The following RELT variants were observed in gnomAD, a reference collection of about 807,000 sequenced individuals.
RELT encodes the protein tumor necrosis factor receptor superfamily member 19L.
A neutral mutation model predicts 51.1 loss-of-function variants in RELT; 37 were observed. The observed-to-expected ratio is 0.72, with a 90% CI of 0.56 to 0.95. The LOEUF is 0.95. Ranked by LOEUF, RELT falls within the 40% of genes least tolerant of loss-of-function variation. The pLI is 0.00. For missense variants in RELT, 535 were observed against 572.6 expected (o/e 0.93, Z 0.67); for synonymous variants, 241 against 235.7 (o/e 1.02, Z -0.21).
At position 73,395,709 on chromosome 11, in the gene RELT, T is replaced by C. The variant is rs2134458998; in HGVS notation, c.*218T>C. 1 of 583,102 alleles carries C rather than the reference T, an allele frequency of 1.7e-6. No homozygotes were observed. Among genetic ancestry groups the C allele is most frequent in the Non-Finnish European group, 3.1e-6 (1 of 326,086 alleles). The allele number at this position is 583,102 out of a possible 1,614,324, so 36.1% of individuals were successfully genotyped here. On this transcript the variant is annotated 3_prime_UTR_variant, in exon 11 of 11. Coordinates refer to ENST00000064780, the MANE Select transcript of RELT (RefSeq NM_152222.2). ...ACAGGAGCAGGCTGAGCCCCGCCCC[T>C]GGCCCTGCTGCCATGTTGCTCCCCT... is the stretch of plus-strand genomic sequence containing the variant.
chr11:73,376,935 C>G (rs1865977299), intron 1 of RELT: 1 of 153,316 alleles, frequency 6.5e-6, no homozygotes, highest in African/African-American at 2.4e-5. Context: ...AAGGGGGGGT[C>G]TGGATGGTGT....
rs946929472 is a variant in RELT, at chr11:73,381,056, G to A, written c.-26+4557G>A. Among the ~76,000 whole-genome samples the A allele has an allele frequency of 2.6e-5, 4 of 152,298 alleles. No individual in the cohort carries two copies. In the East Asian group the frequency reaches 7.7e-4, roughly 29 times the overall value. On this transcript the variant is annotated intron_variant, in intron 1 of 10. Coordinates refer to ENST00000064780, the MANE Select transcript of RELT (RefSeq NM_152222.2). ...TCCTGGGGGTCATCATTCCCTCCAA[G>A]CACAGGCAGGGAAACCAAGGCCTAG...
At chr11:73,376,854 C>T (rs1865975370) in intron 1 of RELT, 1 of 152,342 alleles carries the variant, frequency 6.6e-6, no homozygotes, top group Admixed American at 6.5e-5. Flanking sequence ...GCCCGGGAAA[C>T]TTGGACCGAG....
rs758840677 is a variant in RELT, at chr11:73,397,047, C to G, written c.*1556C>G. ...GCTTTGAAATCTGGAGTGTATCTTACACATCTTGATTGGAACTCAAATATT... is the reference window on the plus strand; with the variant it reads ...GCTTTGAAATCTGGAGTGTATCTTAGACATCTTGATTGGAACTCAAATATT... On this transcript the variant is annotated 3_prime_UTR_variant, in exon 11 of 11. Transcript: ENST00000064780. 2.6e-5 allele frequency: 4 copies of G among 152,318 alleles called. No homozygotes were observed. Among genetic ancestry groups the G allele is most frequent in the East Asian group, 1.9e-4 (1 of 5,192 alleles). The allele number at this position is 152,318 out of a possible 1,614,324, so 9.4% of individuals were successfully genotyped here.
chr11:73,386,239 C>T (rs544940120), intron 1 of RELT, among the ~76,000 whole-genome samples: 3 of 152,224 alleles, frequency 2.0e-5, no homozygotes, highest in African/African-American at 7.2e-5. Context: ...GGGGCCCCTC[C>T]TCCCCATCCA....
chr11:73,390,993 T>G, intron 4 of RELT, 72 bp downstream of exon 4: 1 of 1,569,190 alleles, frequency 6.4e-7, no homozygotes, highest in Non-Finnish European at 8.7e-7. Flanking sequence ...GCCCCAGCCT[T>G]ATTGTACCCT....
intron 1 of RELT, among the ~76,000 whole-genome samples, chr11:73,377,712 C>T (rs922691228): frequency 1.2e-4 from 17 of 145,276 alleles, no homozygotes; most frequent in African/African-American, 4.0e-4. Flanking sequence ...GCGCAGGCCT[C>T]AGTCTCCCCA....
Position 73,395,113 on chromosome 11 carries a change from A to T in RELT, c.1073A>T (p.Gln358Leu), listed in dbSNP as rs1440647414. The change falls in exon 10 of 11, where the codon CAG (glutamine) becomes CTG (leucine). Residue 358 changes from glutamine (Q) to leucine (L), a missense_variant. Gln to Leu is a moderately radical substitution (Grantham distance 113). Coordinates refer to ENST00000064780, the MANE Select transcript of RELT (RefSeq NM_152222.2). ...GRFRVARIPE[Q>L]RTSSMVSEVK... ...TTCCGCGTGGCTCGAATTCCTGAGC[A>T]GCGGACAAGTTCAATGGTGTCTGAG... The T allele has an allele frequency of 6.2e-7, 1 of 1,613,624 alleles. No homozygotes were observed. The highest frequency in any genetic ancestry group is 1.7e-5 in the Admixed American group (1 of 60,012).
intron 1 of RELT, among the ~76,000 whole-genome samples, chr11:73,380,260 G>A (rs927876601): frequency 3.3e-5 from 5 of 152,212 alleles, no homozygotes; most frequent in Non-Finnish European, 5.9e-5. Flanking sequence ...TGTGCTGGGA[G>A]GCACCGGGAG....
chr11:73,386,707 G>T (rs750448882), intron 1 of RELT, among the ~76,000 whole-genome samples: 2 of 152,228 alleles, frequency 1.3e-5, no homozygotes, highest in Non-Finnish European at 2.9e-5. Context: ...TTCCTGGAAG[G>T]TTCTAGATCA....
Position 73,394,158 on chromosome 11 carries a change from G to A in RELT, c.707-78G>A. On this transcript the variant is annotated intron_variant, in intron 7 of 10. Coordinates refer to ENST00000064780, the MANE Select transcript of RELT (RefSeq NM_152222.2). This position sits in a 1 kb window ranked among gnomAD's most constrained non-coding sequence, Gnocchi z 4.9. ...GAGTGGTGGTATGGAGGGTAGGTGGGGGGTTCTCTGCTGGGGCAGGGGGTG... is the reference window on the plus strand; with the variant it reads ...GAGTGGTGGTATGGAGGGTAGGTGGAGGGTTCTCTGCTGGGGCAGGGGGTG... 1.5e-6 allele frequency: 2 copies of A among 1,331,806 alleles called. No individual in the cohort carries two copies. Among genetic ancestry groups the A allele is most frequent in the South Asian group, 1.3e-5 (1 of 78,952 alleles). 82.5% of individuals were successfully genotyped at this position (1,331,806 alleles called of 1,614,324 possible). A position where few individuals can be genotyped will look rare whatever the true frequency, so the allele number is the denominator to read the frequency against.
chr11:73,379,913 C>T (rs923695416), intron 1 of RELT, among the ~76,000 whole-genome samples: 3 of 152,242 alleles, frequency 2.0e-5, no homozygotes, highest in African/African-American at 4.8e-5. Flanking sequence ...TCTTTACCCT[C>T]GCCTCTCCTT....
Position 73,394,903 on chromosome 11 carries a change from G to A in RELT, c.1046+169G>A, listed in dbSNP as rs551555453. The A allele has an allele frequency of 3.2e-5, 30 of 932,516 alleles. No homozygotes were observed. The highest frequency in any genetic ancestry group is 7.9e-5 in the East Asian group (3 of 38,114). 57.8% of individuals were successfully genotyped at this position (932,516 alleles called of 1,614,324 possible). A position where few individuals can be genotyped will look rare whatever the true frequency, so the allele number is the denominator to read the frequency against. On this transcript the variant is annotated intron_variant, in intron 9 of 10. Transcript: ENST00000064780. The surrounding 1 kb of genome is among the most constrained non-coding windows in gnomAD (Gnocchi z 4.9). ...GCGGCCAGAGAGATCAGGACTTTCC[G>A]GTTATGTTGTGTCTCACATGGAGCC...
chr11:73,390,025 G>A (rs934918265), intron 2 of RELT, among the ~76,000 whole-genome samples: 3 of 152,160 alleles, frequency 2.0e-5, no homozygotes, highest in African/African-American at 7.2e-5. Context: ...GTGTGAATGG[G>A]GTAGCCTCGC....
At chr11:73,389,441 G>A (rs556185209) in intron 2 of RELT, among the ~76,000 whole-genome samples, 11 of 152,316 alleles carry the variant, frequency 7.2e-5, no homozygotes, top group African/African-American at 2.2e-4. Flanking sequence ...CCATTGGCAC[G>A]CAGGCATGAG....
At chr11:73,395,012 AC>A in intron 9 of RELT, 74 bp from the exon 10 acceptor site, 1 of 1,320,418 alleles carries the variant, frequency 7.6e-7, no homozygotes, top group East Asian at 2.3e-5. Flanking sequence ...TTGCTGTGTG[AC>A]CCCGGGCACG....
chr11:73,376,653 C>T (rs1865971126), intron 1 of RELT, 154 bp downstream of exon 1: 1 of 152,000 alleles, frequency 6.6e-6, no homozygotes, highest in South Asian at 2.1e-4. Context: ...CCCCCCCACC[C>T]CACTCCTCCC....
At chr11:73,395,002 T>A in intron 9 of RELT, 85 bp from the exon 10 acceptor site, 1 of 1,243,248 alleles carries the variant, frequency 8.0e-7, no homozygotes, top group Non-Finnish European at 1.2e-6. Context: ...GTCCATGAAC[T>A]TGCTGTGTGA....
chr11:73,378,173 A>G (rs1326804136), intron 1 of RELT, among the ~76,000 whole-genome samples: 7 of 152,188 alleles, frequency 4.6e-5, no homozygotes, highest in African/African-American at 1.7e-4. Context: ...CCATCTGGGC[A>G]AGACCCTTCT....
Sources: gnomAD v4.1 joint callset for allele counts (sites outside exome capture counted in the v4.1 genomes callset) on GRCh38, gnomAD v4.1.1 for gene constraint, Gnocchi (gnomAD v3.1) non-coding constraint, MANE v1.5 for transcripts, NCBI Gene and HGNC (gene_info 2026-07-23, HGNC 2026-07-21) for gene names.